WBP2: variants seen among roughly 807,000 people sequenced by gnomAD.
WBP2 encodes WW domain-binding protein 2.
Under a neutral mutation model 33.0 loss-of-function variants are expected in WBP2, and 23 were observed. That is an observed-to-expected ratio of 0.70 (90% CI 0.50 to 0.99). The LOEUF is 0.99. Among genes scored for constraint, WBP2 ranks in the 50% least tolerant of loss-of-function variants. WBP2 has a pLI of 0.00. For missense variants in WBP2, 353 were observed against 358.0 expected, an observed-to-expected ratio of 0.99 and a Z score of 0.11; for synonymous variants, 153 against 133.5, an observed-to-expected ratio of 1.15 and a Z score of -1.01.
At chr17:75,850,390 T>C (rs866919347) in intron 2 of WBP2, among the ~76,000 whole-genome samples, 3 of 151,926 alleles carry the variant, frequency 2.0e-5, no homozygotes, top group African/African-American at 2.4e-5. Context: ...GGACTACAGG[T>C]GCCCGCCACC....
chr17:75,855,935 A>C (rs2065056193), upstream of WBP2, among the ~76,000 whole-genome samples: 1 of 152,186 alleles, frequency 6.6e-6, no homozygotes. Context: ...CACCACTCCC[A>C]GCGCTGAGCC....
chr17:75,847,725 C>A (rs2065003078), intron 5 of WBP2, 71 bp downstream of exon 5: 6 of 1,540,476 alleles, frequency 3.9e-6, no homozygotes, highest in East Asian at 4.7e-5. Flanking sequence ...GGAATAAAGT[C>A]TCCCTGGCCT....
rs1043158824 is a variant in WBP2, at chr17:75,847,103, G to A, written c.656-119C>T. The stretch of plus-strand genomic sequence containing the variant: ...GTGCTGGGGGTCCAGTTCCACCAAT[G>A]AGAGCAGCAGGTGAGGTTTCCTGAG... On this transcript the variant is annotated intron_variant, in intron 6 of 7. Transcript: ENST00000254806. The A allele has an allele frequency of 1.4e-5, 15 of 1,109,756 alleles. No individual in the cohort carries two copies. The African/African-American group carries it at 2.2e-4, about 16-fold the overall frequency. 68.7% of individuals were successfully genotyped at this position (1,109,756 alleles called of 1,614,324 possible). A position where few individuals can be genotyped will look rare whatever the true frequency, so the allele number is the denominator to read the frequency against.
chr17:75,848,095 G>T, intron 4 of WBP2, 165 bp from the exon 5 acceptor site: 1 of 947,466 alleles, frequency 1.1e-6, no homozygotes, highest in Non-Finnish European at 1.6e-6. Flanking sequence ...GGGCCACCTT[G>T]GTCAGGGATG....
chr17:75,849,467 C>G (rs1434228300), intron 3 of WBP2, 137 bp downstream of exon 3: 2 of 1,118,274 alleles, frequency 1.8e-6, no homozygotes, highest in Non-Finnish European at 2.5e-6. Context: ...ACCCCACCAG[C>G]TGGCAGCCCA....
At chr17:75,847,239 T>C in intron 6 of WBP2, 1 of 692,948 alleles carries the variant, frequency 1.4e-6, no homozygotes. Context: ...TGAGTGTAGA[T>C]GAGAGGATCG....
chr17:75,855,184 C>CCCATA, intron 1 of WBP2, 55 bp downstream of exon 1: 1 of 1,514,172 alleles, frequency 6.6e-7, no homozygotes, highest in Non-Finnish European at 9.1e-7. Context: ...ACCCACCGCC[C>CCCATA]ACTTCCTCGA....
chr17:75,854,679 G>A (rs2065047061), intron 1 of WBP2, among the ~76,000 whole-genome samples: 1 of 152,188 alleles, frequency 6.6e-6, no homozygotes, highest in Non-Finnish European at 1.5e-5. Context: ...CTGGAAGCCT[G>A]TATGCTGGTG....
At chr17:75,855,184 C>CCAAAA in intron 1 of WBP2, 55 bp downstream of exon 1, 1 of 1,514,168 alleles carries the variant, frequency 6.6e-7, no homozygotes, top group Non-Finnish European at 9.1e-7. Context: ...ACCCACCGCC[C>CCAAAA]ACTTCCTCGA....
chr17:75,849,502 G>T (rs1423323133), intron 3 of WBP2, 102 bp downstream of exon 3: 2 of 1,463,614 alleles, frequency 1.4e-6, no homozygotes, highest in Non-Finnish European at 1.9e-6. Flanking sequence ...TCATGGCTAG[G>T]GCGATAAGGG....
intron 3 of WBP2, chr17:75,849,246 C>T (rs2065013683): frequency 4.4e-6 from 1 of 226,226 alleles, no homozygotes; most frequent in Non-Finnish European, 8.8e-6. Context: ...TCTGGCTTCC[C>T]AGAGGCAGCT....
In WBP2 at chr17:75,847,879, C is replaced by T; in HGVS notation, c.449G>A (p.Ser150Asn). Reference sequence around the variant, plus strand: ...TGGCGGGGGATAGACATAGGCCCCGCTGGGCATGTAAGAGTAGCCATAGGC... The same window carrying T: ...TGGCGGGGGATAGACATAGGCCCCGTTGGGCATGTAAGAGTAGCCATAGGC... The part of the protein sequence containing the change: ...SGAYGYSYMP[S>N]GAYVYPPPVA... Residue 150 changes from serine to asparagine, a missense_variant, in exon 5 of 8, where the codon AGC (serine) becomes AAC (asparagine). By Grantham distance (46) the Ser-to-Asn change is conservative. Coordinates refer to ENST00000254806, the MANE Select transcript of WBP2 (RefSeq NM_012478.4). The T allele has an allele frequency of 6.4e-7, 1 of 1,557,006 alleles. No homozygotes were observed. Among genetic ancestry groups the T allele is most frequent in the East Asian group, 2.4e-5 (1 of 41,294 alleles).
At position 75,855,315 on chromosome 17, in the gene WBP2, T is replaced by C; in HGVS notation, c.-18A>G. ...AGCGCCATAGTCTCTCCAACAGGGG[T>C]CCCGAGACTCAAAACGCAATGAGCT... On this transcript the variant is annotated 5_prime_UTR_variant, in exon 1 of 8. Coordinates refer to ENST00000254806, the MANE Select transcript of WBP2 (RefSeq NM_012478.4). 1 of 1,610,722 alleles carries C rather than the reference T, an allele frequency of 6.2e-7. No individual in the cohort carries two copies. The highest frequency in any genetic ancestry group is 1.7e-4 in the Middle Eastern group (1 of 6,060).
intron 1 of WBP2, chr17:75,852,778 C>A: frequency 1.0e-6 from 1 of 985,188 alleles, no homozygotes; most frequent in Non-Finnish European, 1.2e-6. Context: ...TCTTTTAAGT[C>A]CTTGTGATAG....
chr17:75,847,771 T>C, intron 5 of WBP2, 25 bp downstream of exon 5: 1 of 1,518,038 alleles, frequency 6.6e-7, no homozygotes, highest in Non-Finnish European at 8.9e-7. Flanking sequence ...ATGAGGGGAG[T>C]GGGGGCAGCA....
In WBP2 at chr17:75,855,311, G is replaced by A. The variant is rs1475663475; in HGVS notation, c.-14C>T. On this transcript the variant is annotated 5_prime_UTR_variant, in exon 1 of 8. Coordinates refer to ENST00000254806, the MANE Select transcript of WBP2 (RefSeq NM_012478.4). ...GTTGAGCGCCATAGTCTCTCCAACA[G>A]GGGTCCCGAGACTCAAAACGCAATG... is the stretch of plus-strand genomic sequence containing the variant. 6 of 1,611,442 alleles carry A rather than the reference G, an allele frequency of 3.7e-6. No individual in the cohort carries two copies. The highest frequency in any genetic ancestry group is 1.7e-5 in the Admixed American group (1 of 59,956).
chr17:75,850,470 C>A (rs1385095366), intron 2 of WBP2, among the ~76,000 whole-genome samples: 1 of 152,130 alleles, frequency 6.6e-6, no homozygotes, highest in African/African-American at 2.4e-5. Flanking sequence ...TGGTCTCGAT[C>A]TCCTGACCTC....
chr17:75,849,698 G>A lies in WBP2; in HGVS notation c.210C>T (p.Phe70=), dbSNP rs138055713. 4 of 1,614,210 alleles carry A rather than the reference G, an allele frequency of 2.5e-6. No individual in the cohort carries two copies. The East Asian group carries it at 8.9e-5, about 36-fold the overall frequency. Residue 70 remains phenylalanine (F), a synonymous_variant, in exon 3 of 8, where the codon TTC becomes TTT. Transcript: ENST00000254806. The stretch of plus-strand genomic sequence containing the variant: ...CTTTCATGAGATAAAATGGCATCAT[G>A]AAGGACTGCATGGCATCCTTGCCCT... ...LSKGKDAMQS[F]MMPFYLMKDC... is the part of the protein sequence containing the mutation.
intron 1 of WBP2, 80 bp downstream of exon 1, chr17:75,855,159 T>TCCCCCCCCCCCCCCC: frequency 1.0e-6 from 1 of 964,062 alleles, no homozygotes; most frequent in South Asian, 1.4e-5. Context: ...AGGGGCTTAT[T>TCCCCCCCCCCCCCCC]CCCCACCACC....
Sources: gnomAD v4.1 joint callset for allele counts (sites outside exome capture counted in the v4.1 genomes callset) on GRCh38, gnomAD v4.1.1 for gene constraint, MANE v1.5 for transcripts, NCBI Gene and HGNC (gene_info 2026-07-23, HGNC 2026-07-21) for gene names.